Variants in SUCLG1 observed in about 807,000 individuals in gnomAD.
SUCLG1 encodes succinate--CoA ligase [ADP/GDP-forming] subunit alpha, mitochondrial.
SUCLG1 carries 26 observed loss-of-function variants against 37.3 expected under a neutral mutation model. The ratio of observed to expected loss-of-function variants is 0.70; its 90% confidence interval spans 0.51 to 0.97. SUCLG1 has a LOEUF of 0.97. Among genes scored for constraint, SUCLG1 ranks in the 50% least tolerant of loss-of-function variants. The pLI is 0.00. For missense variants in SUCLG1, 433 were observed against 432.9 expected, an observed-to-expected ratio of 1.00 and a Z score of 0.00; for synonymous variants, 163 against 155.6, an observed-to-expected ratio of 1.05 and a Z score of -0.36.
At chr2:84,459,002 A>G (rs1673093991) in intron 1 of SUCLG1, among the ~76,000 whole-genome samples, 171 bp downstream of exon 1, 1 of 152,130 alleles carries the variant, frequency 6.6e-6, no homozygotes, top group South Asian at 2.1e-4. Context: ...CGTATCCAGC[A>G]AAGCTCCTTC....
chr2:84,444,708 G>A (rs1212892901), intron 2 of SUCLG1, among the ~76,000 whole-genome samples: 1 of 152,106 alleles, frequency 6.6e-6, no homozygotes, highest in Non-Finnish European at 1.5e-5. Flanking sequence ...GGAGACTGGG[G>A]CTTATTTCAT....
At chr2:84,448,544 A>T (rs1387957632) in intron 2 of SUCLG1, among the ~76,000 whole-genome samples, 1 of 137,668 alleles carries the variant, frequency 7.3e-6, no homozygotes, top group African/African-American at 2.7e-5. Flanking sequence ...AAAAAAAAAA[A>T]TTGACTGCTT....
chr2:84,451,561 C>G (rs574538600), intron 1 of SUCLG1, among the ~76,000 whole-genome samples: 2 of 152,314 alleles, frequency 1.3e-5, no homozygotes, highest in East Asian at 1.9e-4. Context: ...CAACGAAGAT[C>G]TCTGCTTTCT....
At chr2:84,424,651 T>G (rs1227935380) in intron 8 of SUCLG1, among the ~76,000 whole-genome samples, 1 of 152,172 alleles carries the variant, frequency 6.6e-6, no homozygotes, top group Non-Finnish European at 1.5e-5. Context: ...TTCAGCATGC[T>G]TAAGAGGAGA....
intron 1 of SUCLG1, among the ~76,000 whole-genome samples, chr2:84,455,355 A>G (rs982411068): frequency 9.9e-5 from 15 of 152,160 alleles, no homozygotes; most frequent in African/African-American, 3.1e-4. Context: ...TTAGCCGGAC[A>G]TGGTGGCACA....
At chr2:84,444,165 C>T (rs751560674) in intron 2 of SUCLG1, among the ~76,000 whole-genome samples, 7 of 152,202 alleles carry the variant, frequency 4.6e-5, no homozygotes, top group Non-Finnish European at 1.0e-4. Context: ...TGGGGCTTGA[C>T]TTCCCCTGGT....
At chr2:84,428,090 G>A (rs1292909868) in intron 7 of SUCLG1, among the ~76,000 whole-genome samples, 1 of 152,078 alleles carries the variant, frequency 6.6e-6, no homozygotes, top group Non-Finnish European at 1.5e-5. Flanking sequence ...TTATCTTCCA[G>A]TAACCCCAGA....
intron 3 of SUCLG1, 54 bp downstream of exon 3, chr2:84,443,230 G>A: frequency 6.9e-7 from 1 of 1,455,866 alleles, no homozygotes; most frequent in East Asian, 2.3e-5. Flanking sequence ...CCCAAAGAAT[G>A]CTCGCTCTTC....
intron 8 of SUCLG1, among the ~76,000 whole-genome samples, chr2:84,423,980 GA>G (rs1672494296): frequency 6.6e-6 from 1 of 152,148 alleles, no homozygotes; most frequent in Non-Finnish European, 1.5e-5. Flanking sequence ...TGAATTTCAC[GA>G]AACAGATGCA....
chr2:84,447,494 T>A (rs1345530997), intron 2 of SUCLG1, among the ~76,000 whole-genome samples: 1 of 152,168 alleles, frequency 6.6e-6, no homozygotes, highest in Non-Finnish European at 1.5e-5. Flanking sequence ...AAATGTCACA[T>A]AATCATATAA....
Position 84,441,395 on chromosome 2 carries a change from G to A in SUCLG1, c.383C>T (p.Ala128Val). Residue 128 changes from alanine to valine, a missense_variant, in exon 4 of 9, where the codon GCC becomes GTC. Ala to Val is a moderately conservative substitution (Grantham distance 64). Coordinates refer to ENST00000393868, the MANE Select transcript of SUCLG1 (RefSeq NM_003849.4). ...TTCTGCCTCAATAGCTTCATTAATG[G>A]CAGCAGCAGCAAAAGGCGGAGGAAC... ...IYVPPPFAAA[A>V]INEAIEAEIP... 1 of 1,614,112 alleles carries A rather than the reference G, an allele frequency of 6.2e-7. No individual in the cohort carries two copies. Among genetic ancestry groups the A allele is most frequent in the Non-Finnish European group, 8.5e-7 (1 of 1,180,010 alleles).
At chr2:84,430,705 T>C (rs1468013972) in intron 7 of SUCLG1, among the ~76,000 whole-genome samples, 1 of 152,202 alleles carries the variant, frequency 6.6e-6, no homozygotes, top group African/African-American at 2.4e-5. Context: ...TGATCTCCAC[T>C]CTCTTGCCTG....
At chr2:84,452,205 G>C (rs1672952571) in intron 1 of SUCLG1, among the ~76,000 whole-genome samples, 1 of 151,812 alleles carries the variant, frequency 6.6e-6, no homozygotes, top group South Asian at 2.1e-4. Flanking sequence ...AAAGCCTTGG[G>C]CATTTGGGGT....
chr2:84,455,727 T>C (rs1673009118), intron 1 of SUCLG1, among the ~76,000 whole-genome samples: 3 of 150,290 alleles, frequency 2.0e-5, no homozygotes, highest in South Asian at 4.2e-4. Context: ...TCCCAGCTAC[T>C]GGGGAGGCTG....
rs778946494 is a variant in SUCLG1 at position 84,441,326 on chromosome 2, T to G, written c.452A>C (p.Asp151Ala). Residue 151 changes from aspartate (D) to alanine (A), a missense_variant, in exon 4 of 9, where the codon GAC becomes GCC. Asp to Ala is a moderately radical substitution (Grantham distance 126, BLOSUM62 -2). Coordinates refer to ENST00000393868, the MANE Select transcript of SUCLG1 (RefSeq NM_003849.4). The stretch of plus-strand genomic sequence containing the variant: ...CAGTTTGTGCTTGACTCGTACCATG[T>G]CCTGCTGGGGAATTCCTTCAGTGAT... ...VCITEGIPQQ[D>A]MVRVKHKLLR... The G allele has an allele frequency of 5.1e-5, 82 of 1,614,034 alleles. No homozygotes were observed. Among genetic ancestry groups the G allele is most frequent in the Non-Finnish European group, 6.2e-5 (73 of 1,180,018 alleles).
chr2:84,424,712 A>C (rs536328612), intron 8 of SUCLG1, among the ~76,000 whole-genome samples: 16 of 152,106 alleles, frequency 1.1e-4, no homozygotes, highest in Non-Finnish European at 2.1e-4. Context: ...GTATACCATC[A>C]TAAAAATAAT....
chr2:84,432,146 T>C (rs1672622278), intron 6 of SUCLG1, among the ~76,000 whole-genome samples: 1 of 152,190 alleles, frequency 6.6e-6, no homozygotes, highest in African/African-American at 2.4e-5. Context: ...TGCCAGTGAG[T>C]GACAGTGAGT....
At chr2:84,447,903 T>A (rs958419879) in intron 2 of SUCLG1, among the ~76,000 whole-genome samples, 1 of 151,968 alleles carries the variant, frequency 6.6e-6, no homozygotes, top group African/African-American at 2.4e-5. Flanking sequence ...CTAATTTTTC[T>A]GTTTTTTTTG....
chr2:84,433,775 T>A (rs1672644662), intron 5 of SUCLG1: 1 of 329,158 alleles, frequency 3.0e-6, no homozygotes, highest in East Asian at 7.7e-5. Flanking sequence ...TAATCATACC[T>A]ACAGTGGCAG....
Sources: gnomAD v4.1 joint callset for allele counts (sites outside exome capture counted in the v4.1 genomes callset) on GRCh38, gnomAD v4.1.1 for gene constraint, MANE v1.5 for transcripts, NCBI Gene and HGNC (gene_info 2026-07-23, HGNC 2026-07-21) for gene names.